FAH: variants seen among roughly 807,000 people sequenced by gnomAD.
FAH encodes fumarylacetoacetate hydrolase, also known as fumarylacetoacetase.
FAH carries 47 observed loss-of-function variants against 55.8 expected under a neutral mutation model. The observed-to-expected ratio is 0.84, with a 90% CI of 0.67 to 1.07. The LOEUF is 1.07. FAH is among the 50% of genes least tolerant of loss of function. The probability of loss-of-function intolerance (pLI) is 0.00; values close to 1 mark genes in which losing one functional copy is unlikely to be tolerated. For missense variants in FAH, 495 were observed against 545.9 expected, an observed-to-expected ratio of 0.91 and a Z score of 0.93; for synonymous variants, 199 against 207.7, an observed-to-expected ratio of 0.96 and a Z score of 0.36.
chr15:80,186,171 T>C lies in FAH; in HGVS notation c.1222T>C (p.Cys408Arg). 2 of 1,614,206 alleles carry C rather than the reference T, an allele frequency of 1.2e-6. No homozygotes were observed. The highest frequency in any genetic ancestry group is 1.3e-5 in the African/African-American group (1 of 75,070). ...TGGTTACCGCATCGGCTTTGGCCAGTGTGCTGGAAAAGTGCTGCCTGCTCT... is the reference window on the plus strand; with the variant it reads ...TGGTTACCGCATCGGCTTTGGCCAGCGTGCTGGAAAAGTGCTGCCTGCTCT... ...GDGYRIGFGQ[C>R]AGKVLPALLP... Residue 408 changes from cysteine (C) to arginine (R), a missense_variant, in exon 14 of 14, where the codon TGT (cysteine) becomes CGT (arginine). By Grantham distance (180) the Cys-to-Arg change is radical. Transcript: ENST00000561421.
chr15:80,178,994 C>A (rs149557143), intron 11 of FAH, among the ~76,000 whole-genome samples: 1 of 152,190 alleles, frequency 6.6e-6, no homozygotes, highest in Non-Finnish European at 1.5e-5. Flanking sequence ...TAGTACACAC[C>A]TTTTGGTGCA....
intron 12 of FAH, 112 bp from the exon 13 acceptor site, chr15:80,180,930 G>T: frequency 1.2e-6 from 1 of 813,412 alleles, no homozygotes. Flanking sequence ...TCTCTGAGGG[G>T]CATGAGGGCC....
chr15:80,153,410 C>G (rs962166287), intron 1 of FAH, among the ~76,000 whole-genome samples: 2 of 152,144 alleles, frequency 1.3e-5, no homozygotes, highest in African/African-American at 2.4e-5. Flanking sequence ...CTCTCCCAGA[C>G]AAGCAGAGCA....
At chr15:80,168,212 C>T (rs2041211378) in intron 6 of FAH, 52 bp from the exon 7 acceptor site, 1 of 1,608,352 alleles carries the variant, frequency 6.2e-7, no homozygotes, top group African/African-American at 1.3e-5. Context: ...ACAGAGAGTT[C>T]TGTGGCCTCA....
chr15:80,181,420 G>T (rs1167165831), intron 13 of FAH, among the ~76,000 whole-genome samples: 1 of 152,112 alleles, frequency 6.6e-6, no homozygotes, highest in Non-Finnish European at 1.5e-5. Flanking sequence ...TAAAATACTG[G>T]CAGGTTCCTC....
In FAH at chr15:80,169,337, C is replaced by T. The variant is rs112810101; in HGVS notation, c.606+1021C>T. Among the ~76,000 whole-genome samples, 245 of 151,868 alleles carry T rather than the reference C, an allele frequency of 1.6e-3. 6 individuals are homozygous for T. The highest frequency in any genetic ancestry group is 0.012 in the South Asian group (57 of 4,784). On this transcript the variant is annotated intron_variant, in intron 7 of 13. Transcript: ENST00000561421. ...GGCGGAGGTTGCAGTGAGCTGAGAT[C>T]GCGCCACCACACTCCAGCCTGGGTG...
At chr15:80,170,138 C>G (rs1005326708) in intron 7 of FAH, among the ~76,000 whole-genome samples, 1 of 152,234 alleles carries the variant, frequency 6.6e-6, no homozygotes, top group Non-Finnish European at 1.5e-5. Context: ...GGCAGCGCTC[C>G]GGGGACCTGG....
At position 80,159,712 on chromosome 15, in the gene FAH, G is replaced by T. The variant is rs751008263; in HGVS notation, c.193-44G>T. ...CCATTGGAAGGAGGGATACTCCCTGGGTTTTCCTGTACGTGATCTTTTTTC... is the reference window on the plus strand; with the variant it reads ...CCATTGGAAGGAGGGATACTCCCTGTGTTTTCCTGTACGTGATCTTTTTTC... On this transcript the variant is annotated intron_variant, in intron 2 of 13. Coordinates refer to ENST00000561421, the MANE Select transcript of FAH (RefSeq NM_000137.4). 6 of 1,613,766 alleles carry T rather than the reference G, an allele frequency of 3.7e-6. No individual in the cohort carries two copies. In the African/African-American group the frequency reaches 8.0e-5, roughly 22 times the overall value.
chr15:80,175,988 C>CTCCAT (rs766343334), intron 10 of FAH, among the ~76,000 whole-genome samples: 30 of 152,198 alleles, frequency 2.0e-4, no homozygotes, highest in Non-Finnish European at 3.4e-4. Context: ...TCCTTTTTAG[C>CTCCAT]TCCATTCCAT....
At chr15:80,173,461 A>G in intron 9 of FAH, 3 of 460,448 alleles carry the variant, frequency 6.5e-6, no homozygotes, top group Non-Finnish European at 1.2e-5. Flanking sequence ...CCAACATTGC[A>G]CAACCTCCCA....
chr15:80,168,284 G>T lies in FAH; in HGVS notation c.574G>T (p.Ala192Ser). Residue 192 changes from alanine to serine, a missense_variant, in exon 7 of 14, where the codon GCC becomes TCC. Coordinates refer to ENST00000561421, the MANE Select transcript of FAH (RefSeq NM_000137.4). ...TCCAGCTAAGCCTCCCGTATATGGT[G>T]CCTGCAAGCTCTTGGACATGGAGCT... ...PDDSKPPVYG[A>S]CKLLDMELEM... 1 of 1,610,404 alleles carries T rather than the reference G, an allele frequency of 6.2e-7. No homozygotes were observed. Among genetic ancestry groups the T allele is most frequent in the Non-Finnish European group, 8.5e-7 (1 of 1,179,468 alleles).
Position 80,153,010 on chromosome 15 carries a change from C to T in FAH, c.-45C>T. ...CAGCGGCCGAGTTCAGTCCTGCTCT[C>T]CGCACGCCACCTTAGGCCCGCAGCC... On this transcript the variant is annotated 5_prime_UTR_variant, in exon 1 of 14. Coordinates refer to ENST00000561421, the MANE Select transcript of FAH (RefSeq NM_000137.4). The T allele has an allele frequency of 2.5e-6, 4 of 1,572,634 alleles. No individual in the cohort carries two copies. Among genetic ancestry groups the T allele is most frequent in the Non-Finnish European group, 1.7e-6 (2 of 1,148,124 alleles).
rs373302756 is a variant in FAH, at chr15:80,168,290, A to G, written c.580A>G (p.Lys194Glu). ...TAAGCCTCCCGTATATGGTGCCTGCAAGCTCTTGGACATGGAGCTGGAAAT... is the reference window on the plus strand; with the variant it reads ...TAAGCCTCCCGTATATGGTGCCTGCGAGCTCTTGGACATGGAGCTGGAAAT... ...DSKPPVYGAC[K>E]LLDMELEMAF... Residue 194 changes from lysine to glutamate, a missense_variant, in exon 7 of 14, where the codon AAG becomes GAG. Transcript: ENST00000561421. 5.6e-5 allele frequency: 90 copies of G among 1,610,054 alleles called. No individual in the cohort carries two copies. The highest frequency in any genetic ancestry group is 1.5e-4 in the Admixed American group (9 of 59,842).
rs1009720145 is a variant in FAH, at chr15:80,186,128, A to G, written c.1181-2A>G. On this transcript the variant is annotated splice_acceptor_variant, in intron 13 of 13. Transcript: ENST00000561421. LOFTEE classifies it high-confidence loss of function. Reference sequence around the variant, plus strand: ...ACTGATCCTTGTCCTCCTCTGTTCCAGGGTACTGCCAGGGGGATGGTTACC... The same window carrying G: ...ACTGATCCTTGTCCTCCTCTGTTCCGGGGTACTGCCAGGGGGATGGTTACC... 6.2e-7 allele frequency: 1 copy of G among 1,613,774 alleles called. No homozygotes were observed. Among genetic ancestry groups the G allele is most frequent in the African/African-American group, 1.3e-5 (1 of 74,908 alleles).
In FAH at chr15:80,172,151, T is replaced by G. The variant is rs76497285; in HGVS notation, c.609T>G (p.Ala203=). Residue 203 remains alanine, a splice_region_variant and synonymous_variant, in exon 8 of 14, where the codon GCT becomes GCG. Transcript: ENST00000561421. ...TAATGAACTCTCCCCCATGTAAGGCTTTTTTTGTAGGCCCTGGAAACAGAT... is the reference window on the plus strand; with the variant it reads ...TAATGAACTCTCCCCCATGTAAGGCGTTTTTTGTAGGCCCTGGAAACAGAT... The part of the protein sequence containing the change: ...CKLLDMELEM[A]FFVGPGNRLG... 2 of 1,610,702 alleles carry G rather than the reference T, an allele frequency of 1.2e-6. No individual in the cohort carries two copies. Among genetic ancestry groups the G allele is most frequent in the Non-Finnish European group, 1.7e-6 (2 of 1,177,018 alleles).
chr15:80,185,414 A>ACTTT (rs2041362202), intron 13 of FAH, among the ~76,000 whole-genome samples: 1 of 152,232 alleles, frequency 6.6e-6, no homozygotes, highest in South Asian at 2.1e-4. Flanking sequence ...TAAGTAGAGG[A>ACTTT]GCCAGGCTTT....
intron 1 of FAH, among the ~76,000 whole-genome samples, chr15:80,153,468 C>T (rs1375041459): frequency 1.3e-5 from 2 of 152,214 alleles, no homozygotes; most frequent in Non-Finnish European, 2.9e-5. Flanking sequence ...ATGCTGCCTA[C>T]TCCGAGGTGG....
At chr15:80,153,355 G>T (rs1461952384) in intron 1 of FAH, among the ~76,000 whole-genome samples, 2 of 152,112 alleles carry the variant, frequency 1.3e-5, no homozygotes, top group Non-Finnish European at 2.9e-5. Flanking sequence ...CTCATTGTCC[G>T]CAGGTTTGCT....
At chr15:80,162,796 A>G in intron 5 of FAH, 1 of 235,856 alleles carries the variant, frequency 4.2e-6, no homozygotes, top group South Asian at 5.6e-5. Context: ...TCACAAGGCC[A>G]TGATTGTAAG....
Sources: gnomAD v4.1 joint callset for allele counts (sites outside exome capture counted in the v4.1 genomes callset) on GRCh38, gnomAD v4.1.1 for gene constraint, MANE v1.5 for transcripts, NCBI Gene and HGNC (gene_info 2026-07-23, HGNC 2026-07-21) for gene names.